The following SCAF8 variants were observed in gnomAD, a reference collection of about 807,000 sequenced individuals.
SCAF8 encodes the protein SR-related CTD associated factor 8.
A neutral mutation model predicts 140.5 loss-of-function variants in SCAF8; 23 were observed. The ratio of observed to expected loss-of-function variants is 0.16; its 90% CI spans 0.12 to 0.23. The LOEUF (loss-of-function observed/expected upper bound fraction) is 0.23. Ranked by LOEUF, SCAF8 falls within the 10% of genes least tolerant of loss-of-function variation. The probability of loss-of-function intolerance (pLI) is 1.00; values close to 1 mark genes in which losing one functional copy is unlikely to be tolerated. For synonymous variants in SCAF8, 575 were observed against 528.9 expected, an observed-to-expected ratio of 1.09 and a Z score of -1.20; for missense variants, 1,397 against 1,555.7, an observed-to-expected ratio of 0.90 and a Z score of 1.72.
In SCAF8 at chr6:154,755,044, A is replaced by G. The variant is rs1485822307; in HGVS notation, c.31-18945A>G. On this transcript the variant is annotated intron_variant, in intron 1 of 19. Transcript: ENST00000367178. ...TTTTAGATGCTACTCTTTCATCCAT[A>G]CTTTTGTCAGTCATGAAAGCTAATG... Among the ~76,000 whole-genome samples the G allele has an allele frequency of 2.6e-5, 4 of 152,248 alleles. No individual in the cohort carries two copies. The East Asian group carries it at 7.7e-4, about 29-fold the overall frequency.
chr6:154,775,269 C>A (rs567701294), intron 2 of SCAF8, among the ~76,000 whole-genome samples: 22 of 152,216 alleles, frequency 1.4e-4, no homozygotes, highest in Non-Finnish European at 2.1e-4. Flanking sequence ...TAACTATAAG[C>A]ACATTGAAGC....
intron 1 of SCAF8, among the ~76,000 whole-genome samples, chr6:154,768,320 G>A (rs1776640309): frequency 6.6e-6 from 1 of 152,170 alleles, no homozygotes; most frequent in African/African-American, 2.4e-5. Context: ...GTCTGTGGTG[G>A]TATTCAAGGT....
At chr6:154,778,548 T>G (rs1313823349) in intron 3 of SCAF8, among the ~76,000 whole-genome samples, 2 of 152,148 alleles carry the variant, frequency 1.3e-5, no homozygotes, top group Non-Finnish European at 2.9e-5. Context: ...GTGGATCACT[T>G]GAGGCCAGGA....
intron 2 of SCAF8, among the ~76,000 whole-genome samples, chr6:154,777,654 A>G (rs985240386): frequency 2.6e-5 from 4 of 152,232 alleles, no homozygotes; most frequent in Non-Finnish European, 5.9e-5. Context: ...TTTCATGAAT[A>G]TAAGAATATA....
At chr6:154,784,103 T>TA (rs1274725934) in intron 3 of SCAF8, among the ~76,000 whole-genome samples, 14 of 137,946 alleles carry the variant, frequency 1.0e-4, no homozygotes, top group Admixed American at 7.0e-4. Flanking sequence ...TATATTTACT[T>TA]ATCTCTGGTG....
At chr6:154,755,662 A>G (rs1294212501) in intron 1 of SCAF8, among the ~76,000 whole-genome samples, 3 of 152,120 alleles carry the variant, frequency 2.0e-5, no homozygotes, top group Non-Finnish European at 4.4e-5. Flanking sequence ...TGGATTTGAG[A>G]CTTTACATAA....
intron 6 of SCAF8, among the ~76,000 whole-genome samples, chr6:154,796,832 C>A (rs1274052008): frequency 6.6e-6 from 1 of 152,062 alleles, no homozygotes; most frequent in Non-Finnish European, 1.5e-5. Context: ...ATTAGCTAGG[C>A]AGCTTGGCAC....
At chr6:154,756,829 G>A (rs557721607) in intron 1 of SCAF8, among the ~76,000 whole-genome samples, 2 of 152,052 alleles carry the variant, frequency 1.3e-5, no homozygotes, top group South Asian at 2.1e-4. Flanking sequence ...GGAGTTTTAA[G>A]ACCAGCCTGG....
At chr6:154,774,582 A>G (rs1776865916) in intron 2 of SCAF8, among the ~76,000 whole-genome samples, 1 of 152,114 alleles carries the variant, frequency 6.6e-6, no homozygotes, top group East Asian at 1.9e-4. Context: ...TGAGTTGGTA[A>G]AAGTTTCTAT....
intron 18 of SCAF8, 82 bp downstream of exon 18, chr6:154,827,322 G>A (rs373758523): frequency 2.0e-5 from 18 of 894,476 alleles, no homozygotes; most frequent in African/African-American, 5.2e-5. Context: ...GTGAATTACC[G>A]TTAATATTTT....
Position 154,788,033 on chromosome 6 carries a change from G to A in SCAF8, c.321+11G>A. 2 of 1,568,550 alleles carry A rather than the reference G, an allele frequency of 1.3e-6. No homozygotes were observed. The highest frequency in any genetic ancestry group is 1.7e-6 in the Non-Finnish European group (2 of 1,162,872). Reference sequence around the variant, plus strand: ...CCTGGGGATGACAAGGTATGCTACTGGTTTTTTTTTTTTGTTTTTTTAAAA... The same window carrying A: ...CCTGGGGATGACAAGGTATGCTACTAGTTTTTTTTTTTTGTTTTTTTAAAA... On this transcript the variant is annotated intron_variant, in intron 4 of 19. Transcript: ENST00000367178.
At chr6:154,831,170 G>A in intron 19 of SCAF8, 30 bp downstream of exon 19, 1 of 1,376,174 alleles carries the variant, frequency 7.3e-7, no homozygotes, top group Non-Finnish European at 9.9e-7. Flanking sequence ...TTTAAAAAAA[G>A]AGGTTGCCTC....
At chr6:154,734,106 C>T (rs903071787) in intron 1 of SCAF8, among the ~76,000 whole-genome samples, 176 bp downstream of exon 1, 1 of 152,170 alleles carries the variant, frequency 6.6e-6, no homozygotes, top group Non-Finnish European at 1.5e-5. Context: ...TCCCCCGGGT[C>T]CGGGAGGAGG....
chr6:154,803,650 G>A (rs1285618397), intron 8 of SCAF8, 27 bp downstream of exon 8: 4 of 1,424,426 alleles, frequency 2.8e-6, no homozygotes, highest in Non-Finnish European at 3.0e-6. Context: ...TATAGCCATA[G>A]TTTTTTTATA....
At chr6:154,767,886 G>A (rs896587081) in intron 1 of SCAF8, among the ~76,000 whole-genome samples, 3 of 152,092 alleles carry the variant, frequency 2.0e-5, no homozygotes, top group Non-Finnish European at 2.9e-5. Context: ...TTTCTAAAAT[G>A]ATAAGTGATC....
intron 3 of SCAF8, among the ~76,000 whole-genome samples, chr6:154,786,582 T>C (rs1476218329): frequency 6.6e-6 from 1 of 152,202 alleles, no homozygotes; most frequent in Non-Finnish European, 1.5e-5. Flanking sequence ...GTAAACTAAA[T>C]TCCCTCCCAA....
intron 18 of SCAF8, 89 bp from the exon 19 acceptor site, chr6:154,830,833 C>A: frequency 1.1e-6 from 1 of 883,758 alleles, no homozygotes; most frequent in Non-Finnish European, 1.8e-6. Context: ...TACAGAGATG[C>A]CATTAAATTA....
intron 6 of SCAF8, among the ~76,000 whole-genome samples, chr6:154,799,607 ACTTGTTCCATC>A (rs1225108941): frequency 6.6e-6 from 1 of 150,858 alleles, no homozygotes; most frequent in East Asian, 1.9e-4. Context: ...TTCTCCTGTA[ACTTGTTCCATC>A]CTTTTTGTTG....
At chr6:154,807,912 T>G (rs1281283782) in intron 9 of SCAF8, among the ~76,000 whole-genome samples, 158 bp from the exon 10 acceptor site, 1 of 152,266 alleles carries the variant, frequency 6.6e-6, no homozygotes, top group African/African-American at 2.4e-5. Flanking sequence ...AAATGTTTAA[T>G]TTTGGATTGA....
Sources: allele counts gnomAD v4.1 joint callset (sites outside exome capture counted in the v4.1 genomes callset), GRCh38; gene constraint gnomAD v4.1.1; transcripts MANE v1.5; gene names NCBI Gene and HGNC (gene_info 2026-07-23, HGNC 2026-07-21).